SPATA13: variants seen among roughly 807,000 people sequenced by gnomAD.
SPATA13 encodes spermatogenesis associated 13.
Under a neutral mutation model 104.0 loss-of-function variants are expected in SPATA13, and 50 were observed. The ratio of observed to expected loss-of-function variants is 0.48; its 90% confidence interval spans 0.38 to 0.61. SPATA13 has a LOEUF of 0.61. SPATA13 is among the 20% of genes least tolerant of loss of function. The pLI is 0.00. For missense variants in SPATA13, 1,524 were observed against 1,690.6 expected (o/e 0.90, Z 1.73); for synonymous variants, 606 against 667.5 (o/e 0.91, Z 1.42).
chr13:24,265,956 G>A (rs973014950), intron 4 of SPATA13, among the ~76,000 whole-genome samples: 4 of 152,150 alleles, frequency 2.6e-5, no homozygotes, highest in Non-Finnish European at 4.4e-5. Context: ...GGTGATCATA[G>A]AAGAAAATAT....
chr13:24,169,705 A>C (rs1195084882), intron 1 of SPATA13, among the ~76,000 whole-genome samples: 2 of 151,734 alleles, frequency 1.3e-5, no homozygotes, highest in Non-Finnish European at 2.9e-5. Context: ...CTCTCCTCTC[A>C]CTCAAGCTCT....
intron 3 of SPATA13, among the ~76,000 whole-genome samples, chr13:24,052,006 C>T (rs903335032): frequency 1.2e-4 from 19 of 152,172 alleles, no homozygotes; most frequent in African/African-American, 4.6e-4. Context: ...CTTTGGCTTC[C>T]TCTGCGTGCA....
At chr13:24,042,147 C>G (rs1018927506) in intron 3 of SPATA13, among the ~76,000 whole-genome samples, 1 of 141,318 alleles carries the variant, frequency 7.1e-6, no homozygotes, top group Non-Finnish European at 1.5e-5. Flanking sequence ...GTCACGGGAG[C>G]GTTGGCTATG....
chr13:24,006,768 C>T (rs1876252185), intron 2 of SPATA13, among the ~76,000 whole-genome samples: 2 of 152,228 alleles, frequency 1.3e-5, no homozygotes, highest in African/African-American at 4.8e-5. Context: ...GCCCAAGCTC[C>T]TGGTGCCCTT....
At chr13:24,221,128 C>G (rs964312637) in intron 1 of SPATA13, among the ~76,000 whole-genome samples, 1 of 152,162 alleles carries the variant, frequency 6.6e-6, no homozygotes, top group Non-Finnish European at 1.5e-5. Flanking sequence ...CATTGTGCTT[C>G]TCTGTTCATT....
chr13:24,280,526 T>C lies in SPATA13; in HGVS notation c.2165-3609T>C, dbSNP rs548844750. ...TTTTTTGGCTCAACCACGGTTTAAA[T>C]TGATAAGGAAAAATGCTATTGGTAC... On this transcript the variant is annotated intron_variant, in intron 4 of 12. Coordinates refer to ENST00000382108, the MANE Select transcript of SPATA13 (RefSeq NM_001166271.3). 1.7e-4 allele frequency among the ~76,000 whole-genome samples: 25 copies of C among 148,724 alleles called. 1 individual carries two copies. The South Asian group carries it at 5.3e-3, about 31-fold the overall frequency.
chr13:24,055,019 C>A (rs1432978767), intron 3 of SPATA13, among the ~76,000 whole-genome samples: 7 of 152,172 alleles, frequency 4.6e-5, no homozygotes, highest in African/African-American at 1.7e-4. Context: ...ATAATGCCAG[C>A]TGCTGTAATT....
chr13:24,185,268 CAG>C (rs1447081372), intron 1 of SPATA13, among the ~76,000 whole-genome samples: 7 of 152,182 alleles, frequency 4.6e-5, no homozygotes, highest in Non-Finnish European at 8.8e-5. Flanking sequence ...GATAGGCACT[CAG>C]TGAAGTTTTA....
At chr13:24,046,001 A>G (rs1878129813) in intron 3 of SPATA13, among the ~76,000 whole-genome samples, 1 of 152,204 alleles carries the variant, frequency 6.6e-6, no homozygotes, top group Admixed American at 6.5e-5. Flanking sequence ...TTTCCTTCAT[A>G]TTTGAATTCT....
intron 3 of SPATA13, among the ~76,000 whole-genome samples, chr13:24,147,829 C>T (rs966401294): frequency 3.3e-5 from 5 of 152,194 alleles, no homozygotes; most frequent in African/African-American, 1.2e-4. Flanking sequence ...CTAGATACCT[C>T]ATATCAGTGG....
At chr13:24,096,759 G>T (rs980727933) in intron 3 of SPATA13, among the ~76,000 whole-genome samples, 1 of 152,100 alleles carries the variant, frequency 6.6e-6, no homozygotes. Flanking sequence ...GCTGCCCCAG[G>T]GCAGAGCCCT....
chr13:24,222,915 G>A lies in SPATA13; in HGVS notation c.-15G>A. On this transcript the variant is annotated 5_prime_UTR_variant, in exon 2 of 13. Transcript: ENST00000382108. ...CCTGGAGCTGCGGTCTGCGGACTCG[G>A]CAGTGCCCGTGGCCATGACCCAGGC... 6.4e-7 allele frequency: 1 copy of A among 1,550,556 alleles called. No homozygotes were observed. Among genetic ancestry groups the A allele is most frequent in the Non-Finnish European group, 8.7e-7 (1 of 1,146,404 alleles).
At chr13:24,105,112 C>CGTTTT (rs112455495) in intron 3 of SPATA13, among the ~76,000 whole-genome samples, 11 of 151,658 alleles carry the variant, frequency 7.3e-5, no homozygotes, top group Admixed American at 3.3e-4. Context: ...TTCTTACAAT[C>CGTTTT]GTTTTGTTTT....
In SPATA13 at chr13:24,295,763, A is replaced by G. The variant is rs188255916; in HGVS notation, c.3210+895A>G. ...TTTACCACATGTCTGAATGGCACTG[A>G]TCTGAGCCATTTGTACATATATGAA... On this transcript the variant is annotated intron_variant, in intron 10 of 12. Transcript: ENST00000382108. Among the ~76,000 whole-genome samples the G allele has an allele frequency of 1.4e-3, 213 of 152,288 alleles. 1 individual carries two copies. Among genetic ancestry groups the G allele is most frequent in the African/African-American group, 4.8e-3 (201 of 41,552 alleles).
chr13:24,082,099 C>T (rs1055982977), intron 3 of SPATA13, among the ~76,000 whole-genome samples: 2 of 152,198 alleles, frequency 1.3e-5, no homozygotes, highest in African/African-American at 2.4e-5. Flanking sequence ...GGATGATGTC[C>T]GCTGCCACTT....
chr13:24,059,523 G>A (rs1878703339), intron 3 of SPATA13, among the ~76,000 whole-genome samples: 1 of 152,214 alleles, frequency 6.6e-6, no homozygotes, highest in Admixed American at 6.5e-5. Flanking sequence ...TGTTTCTGAG[G>A]TGGAATCCCC....
intron 2 of SPATA13, among the ~76,000 whole-genome samples, chr13:24,012,354 C>G (rs1256176600): frequency 2.6e-5 from 4 of 152,154 alleles, no homozygotes; most frequent in Non-Finnish European, 5.9e-5. Context: ...TCAAGGTTGC[C>G]CCCAGGCAGG....
At chr13:24,093,889 G>A (rs1187283927) in intron 3 of SPATA13, among the ~76,000 whole-genome samples, 1 of 152,070 alleles carries the variant, frequency 6.6e-6, no homozygotes, top group African/African-American at 2.4e-5. Flanking sequence ...CTTCTGGGTG[G>A]GGGGACCTGA....
chr13:24,239,440 A>G (rs1452027849), intron 2 of SPATA13, among the ~76,000 whole-genome samples: 2 of 152,234 alleles, frequency 1.3e-5, no homozygotes, highest in Non-Finnish European at 2.9e-5. Flanking sequence ...CACACCTGTA[A>G]TCCTAACACT....
Sources: gnomAD v4.1 joint callset for allele counts (sites outside exome capture counted in the v4.1 genomes callset) on GRCh38, gnomAD v4.1.1 for gene constraint, MANE v1.5 for transcripts, NCBI Gene and HGNC (gene_info 2026-07-23, HGNC 2026-07-21) for gene names.